The following TENM3 variants were observed in gnomAD, a reference collection of about 807,000 sequenced individuals.
TENM3 encodes the protein teneurin transmembrane protein 3.
A neutral mutation model predicts 255.1 loss-of-function variants in TENM3; 63 were observed. The ratio of observed to expected loss-of-function variants is 0.25; its 90% CI spans 0.20 to 0.30. The LOEUF (loss-of-function observed/expected upper bound fraction) is 0.30, where lower values mean the gene tolerates loss of function less well. Ranked by LOEUF, TENM3 falls within the 10% of genes least tolerant of loss-of-function variation. TENM3 has a pLI of 1.00. For missense variants in TENM3, 2,929 were observed against 3,461.1 expected (o/e 0.85, Z 3.86); for synonymous variants, 1,306 against 1,322.3 (o/e 0.99, Z 0.27).
chr4:182,006,047 A>G, the TENM3 span, among the ~76,000 whole-genome samples: 3 of 152,116 alleles, frequency 2.0e-5, no homozygotes, highest in Non-Finnish European at 4.4e-5. Context: ...TCCTATTTGA[A>G]TATCCTTTAT....
chr4:181,651,188 G>C, the TENM3 span, among the ~76,000 whole-genome samples: 2 of 152,292 alleles, frequency 1.3e-5, no homozygotes, highest in Non-Finnish European at 2.9e-5. Flanking sequence ...AATTACAAAA[G>C]CTGCATGGAT....
the TENM3 span, among the ~76,000 whole-genome samples, chr4:181,645,779 C>T: frequency 6.6e-6 from 1 of 152,214 alleles, no homozygotes; most frequent in South Asian, 2.1e-4. Flanking sequence ...TGATACCCAT[C>T]TTTTTAATAG....
At chr4:182,051,917 T>C in the TENM3 span, among the ~76,000 whole-genome samples, 1 of 152,172 alleles carries the variant, frequency 6.6e-6, no homozygotes, top group Non-Finnish European at 1.5e-5. Context: ...AATGTTGTTC[T>C]AGTTTATCTG....
At chr4:181,893,487 G>GCC in the TENM3 span, among the ~76,000 whole-genome samples, 698 of 74,694 alleles carry the variant, frequency 9.3e-3, no homozygotes, top group African/African-American at 0.013. Flanking sequence ...ACTTTCCCCT[G>GCC]CCCACCCCCC....
In TENM3 at chr4:182,766,012, A is replaced by G. The variant is rs547652436; in HGVS notation, c.4893-7460A>G. On this transcript the variant is annotated intron_variant, in intron 22 of 27. Coordinates refer to ENST00000511685, the MANE Select transcript of TENM3 (RefSeq NM_001080477.4). ...TAGAAATAGCAATTTATAGTAATAAATAGAATTTTCTCTTTCCAAATGTGC... is the reference window on the plus strand; with the variant it reads ...TAGAAATAGCAATTTATAGTAATAAGTAGAATTTTCTCTTTCCAAATGTGC... Among the ~76,000 whole-genome samples, 11 of 152,334 alleles carry G rather than the reference A, an allele frequency of 7.2e-5. 1 individual carries two copies. In the South Asian group the frequency reaches 2.3e-3, roughly 32 times the overall value.
At chr4:181,922,359 G>C in the TENM3 span, among the ~76,000 whole-genome samples, 6 of 152,126 alleles carry the variant, frequency 3.9e-5, no homozygotes, top group South Asian at 1.2e-3. Context: ...GAATCCATCT[G>C]GTCCTGGACT....
At chr4:182,031,188 T>G in the TENM3 span, among the ~76,000 whole-genome samples, 2 of 152,310 alleles carry the variant, frequency 1.3e-5, no homozygotes, top group East Asian at 1.9e-4. Flanking sequence ...TAGTTTTGGG[T>G]TTTCCATTTA....
At chr4:181,458,159 G>A in the TENM3 span, among the ~76,000 whole-genome samples, 1 of 151,848 alleles carries the variant, frequency 6.6e-6, no homozygotes, top group East Asian at 1.9e-4. Flanking sequence ...TATAGTGTTA[G>A]CTTAAAAATC....
the TENM3 span, among the ~76,000 whole-genome samples, chr4:181,798,593 C>G: frequency 2.6e-5 from 4 of 152,198 alleles, no homozygotes; most frequent in Non-Finnish European, 5.9e-5. Flanking sequence ...AGGTAGATTC[C>G]TTTTCAACAG....
intron 3 of TENM3, among the ~76,000 whole-genome samples, chr4:182,462,409 T>G (rs1003001168): frequency 6.6e-6 from 1 of 151,564 alleles, no homozygotes; most frequent in African/African-American, 2.4e-5. Flanking sequence ...GTTGAATTGT[T>G]TATTGTTACT....
At chr4:181,601,522 A>G in the TENM3 span, among the ~76,000 whole-genome samples, 620 of 152,118 alleles carry the variant, frequency 4.1e-3, 8 homozygotes, top group African/African-American at 0.014. Context: ...TGGTATCTCT[A>G]TGTCCTAATG....
the TENM3 span, among the ~76,000 whole-genome samples, chr4:182,099,861 A>G: frequency 6.6e-6 from 1 of 152,180 alleles, no homozygotes; most frequent in African/African-American, 2.4e-5. Context: ...AACAGAAGTT[A>G]TGAGGTAAAG....
chr4:181,593,823 G>T, the TENM3 span, among the ~76,000 whole-genome samples: 1 of 152,050 alleles, frequency 6.6e-6, no homozygotes, highest in Non-Finnish European at 1.5e-5. Context: ...GACAGTTGGA[G>T]GTATGGAAAA....
At chr4:182,737,657 T>C (rs1364153009) in intron 17 of TENM3, among the ~76,000 whole-genome samples, 9 of 152,190 alleles carry the variant, frequency 5.9e-5, no homozygotes, top group African/African-American at 2.2e-4. Context: ...AATAGGTATA[T>C]AGTATAGCTT....
chr4:181,921,762 C>A, the TENM3 span, among the ~76,000 whole-genome samples: 1 of 152,106 alleles, frequency 6.6e-6, no homozygotes, highest in East Asian at 1.9e-4. Context: ...CCAGAACTTC[C>A]AAAACTATGT....
At chr4:182,184,000 A>G (rs945771864) in intron 1 of TENM3, among the ~76,000 whole-genome samples, 1 of 152,210 alleles carries the variant, frequency 6.6e-6, no homozygotes, top group Non-Finnish European at 1.5e-5. Flanking sequence ...TGATATAGAA[A>G]GTGGTAGGTC....
chr4:181,858,152 G>T, the TENM3 span, among the ~76,000 whole-genome samples: 6 of 152,292 alleles, frequency 3.9e-5, no homozygotes, highest in Non-Finnish European at 8.8e-5. Context: ...AGGCTGGAGC[G>T]CAGTGGTGCA....
chr4:182,717,047 A>G (rs1234162509), intron 13 of TENM3, among the ~76,000 whole-genome samples: 1 of 87,728 alleles, frequency 1.1e-5, no homozygotes, highest in African/African-American at 3.8e-5. Flanking sequence ...GTTGCGTACC[A>G]TTCCCGGAAC....
At chr4:181,772,681 A>G in the TENM3 span, among the ~76,000 whole-genome samples, 1 of 152,346 alleles carries the variant, frequency 6.6e-6, no homozygotes, top group South Asian at 2.1e-4. Context: ...AGCACTTCTC[A>G]GGTACTAAGG....
Sources: gnomAD v4.1 joint callset for allele counts (sites outside exome capture counted in the v4.1 genomes callset) on GRCh38, gnomAD v4.1.1 for gene constraint, MANE v1.5 for transcripts, NCBI Gene and HGNC (gene_info 2026-07-23, HGNC 2026-07-21) for gene names.